Variants in ITPR1 observed in about 807,000 individuals in gnomAD.
ITPR1 encodes the protein inositol 1,4,5-trisphosphate receptor type 1.
ITPR1 carries 96 observed loss-of-function variants against 318.4 expected under a neutral mutation model. That is an observed-to-expected ratio of 0.30 (90% CI 0.26 to 0.36). The LOEUF is 0.36. Ranked by LOEUF, ITPR1 falls within the 10% of genes least tolerant of loss-of-function variation. The pLI is 1.00. For missense variants in ITPR1, 2,440 were observed against 3,460.2 expected (o/e 0.71, Z 7.40); for synonymous variants, 1,312 against 1,289.9 (o/e 1.02, Z -0.37).
intron 58 of ITPR1, 46 bp downstream of exon 58, chr3:4,814,608 G>GGGGT: frequency 8.6e-7 from 1 of 1,159,010 alleles, no homozygotes. Flanking sequence ...GGCGGGTGGG[G>GGGGT]TGGTTGGTGG....
intron 4 of ITPR1, among the ~76,000 whole-genome samples, chr3:4,554,032 C>T (rs188621232): frequency 7.2e-5 from 11 of 152,188 alleles, no homozygotes; most frequent in African/African-American, 1.2e-4. Flanking sequence ...TGTGAGCCAC[C>T]GCGCCCAGCC....
intron 4 of ITPR1, among the ~76,000 whole-genome samples, chr3:4,540,209 C>T (rs145570851): frequency 3.4e-3 from 513 of 152,040 alleles, no homozygotes; most frequent in Non-Finnish European, 5.4e-3. Context: ...TTATTACTTT[C>T]TGGTGAACTA....
chr3:4,708,303 C>T (rs564430473), intron 37 of ITPR1, among the ~76,000 whole-genome samples: 1 of 152,058 alleles, frequency 6.6e-6, no homozygotes, highest in Non-Finnish European at 1.5e-5. Context: ...AAGGGAGAGT[C>T]GTATTAGATG....
rs11294154 is a variant in ITPR1, at chr3:4,726,341, T to TAAA, written c.5173-771_5173-769dup. ...CTCTGCGCCCAGCCTATGATGCAGT[T>TAAA]AAAAAAAAAAAAAAAATCTATCCTC... On this transcript the variant is annotated intron_variant, in intron 41 of 61. Coordinates refer to ENST00000649015, the MANE Select transcript of ITPR1 (RefSeq NM_001378452.1). Among the ~76,000 whole-genome samples, 1,362 of 146,260 alleles carry TAAA rather than the reference T, an allele frequency of 9.3e-3. 25 individuals are homozygous for TAAA. The highest frequency in any genetic ancestry group is 0.036 in the East Asian group (176 of 4,952).
intron 2 of ITPR1, among the ~76,000 whole-genome samples, chr3:4,506,083 C>T (rs2081374685): frequency 2.0e-5 from 3 of 152,108 alleles, no homozygotes; most frequent in African/African-American, 7.2e-5. Context: ...AATTAATTGT[C>T]AACATAACTA....
At chr3:4,701,518 A>G (rs2094651769) in intron 35 of ITPR1, among the ~76,000 whole-genome samples, 1 of 152,098 alleles carries the variant, frequency 6.6e-6, no homozygotes, top group African/African-American at 2.4e-5. Context: ...ACAGCTTACT[A>G]TCTTGGGTGG....
intron 2 of ITPR1, among the ~76,000 whole-genome samples, chr3:4,507,156 G>A (rs1367800171): frequency 2.7e-5 from 4 of 148,424 alleles, no homozygotes; most frequent in African/African-American, 1.0e-4. Flanking sequence ...GAACATAGCC[G>A]GATTCACAGA....
chr3:4,552,279 G>A (rs562573623), intron 4 of ITPR1, among the ~76,000 whole-genome samples: 2 of 152,282 alleles, frequency 1.3e-5, no homozygotes, highest in Non-Finnish European at 2.9e-5. Context: ...AGATCCCACA[G>A]ATTGGAGGCT....
At chr3:4,786,010 C>G (rs964207630) in intron 51 of ITPR1, among the ~76,000 whole-genome samples, 1 of 152,196 alleles carries the variant, frequency 6.6e-6, no homozygotes, top group African/African-American at 2.4e-5. Context: ...GACCCAATGT[C>G]TTCACTCTGG....
At chr3:4,522,581 C>G (rs949776728) in intron 4 of ITPR1, among the ~76,000 whole-genome samples, 3 of 152,136 alleles carry the variant, frequency 2.0e-5, no homozygotes, top group Non-Finnish European at 2.9e-5. Context: ...GTAAGAGGAA[C>G]CCAAGGCGGC....
intron 4 of ITPR1, among the ~76,000 whole-genome samples, chr3:4,548,552 G>A (rs1323661796): frequency 6.6e-6 from 1 of 152,140 alleles, no homozygotes; most frequent in African/African-American, 2.4e-5. Flanking sequence ...CTTATGAAAT[G>A]TACAGGTAGT....
intron 44 of ITPR1, among the ~76,000 whole-genome samples, chr3:4,748,769 G>A (rs543330788): frequency 1.2e-3 from 183 of 152,312 alleles, no homozygotes; most frequent in African/African-American, 3.5e-3. Context: ...TTAAGAGAAC[G>A]CGGTGTTTTA....
intron 3 of ITPR1, among the ~76,000 whole-genome samples, chr3:4,518,700 G>A (rs2082337229): frequency 6.6e-6 from 1 of 152,154 alleles, no homozygotes; most frequent in African/African-American, 2.4e-5. Context: ...AACTCCAATA[G>A]GATCTTGGAG....
chr3:4,794,531 G>A (rs1202694885), intron 52 of ITPR1, among the ~76,000 whole-genome samples: 1 of 152,204 alleles, frequency 6.6e-6, no homozygotes, highest in Non-Finnish European at 1.5e-5. Flanking sequence ...TTAGGCACTG[G>A]CGTGTTAGTG....
intron 60 of ITPR1, among the ~76,000 whole-genome samples, chr3:4,825,488 A>G (rs1431859384): frequency 6.6e-6 from 1 of 152,196 alleles, no homozygotes; most frequent in African/African-American, 2.4e-5. Flanking sequence ...TTGCCTGACA[A>G]GCACCTCCTG....
intron 4 of ITPR1, among the ~76,000 whole-genome samples, chr3:4,617,357 C>T (rs894587830): frequency 6.6e-6 from 1 of 152,074 alleles, no homozygotes; most frequent in Non-Finnish European, 1.5e-5. Flanking sequence ...ATGGCCTGGT[C>T]TCTGCTCTCA....
At chr3:4,746,730 G>A (rs1433627363) in intron 44 of ITPR1, among the ~76,000 whole-genome samples, 2 of 152,236 alleles carry the variant, frequency 1.3e-5, no homozygotes, top group African/African-American at 2.4e-5. Flanking sequence ...TACTCCTACT[G>A]TATAAACTAT....
chr3:4,620,534 G>A (rs1559551729), intron 4 of ITPR1, among the ~76,000 whole-genome samples: 1 of 152,092 alleles, frequency 6.6e-6, no homozygotes. Flanking sequence ...ATGGTACCCT[G>A]TGCAGAAACA....
At chr3:4,675,338 C>T (rs1438328200) in intron 23 of ITPR1, 90 bp downstream of exon 23, 2 of 876,662 alleles carry the variant, frequency 2.3e-6, no homozygotes, top group African/African-American at 1.8e-5. Context: ...GATGCCACAT[C>T]CTTTCTTTGT....
Sources: allele counts gnomAD v4.1 joint callset (sites outside exome capture counted in the v4.1 genomes callset), GRCh38; gene constraint gnomAD v4.1.1; transcripts MANE v1.5; gene names NCBI Gene and HGNC (gene_info 2026-07-23, HGNC 2026-07-21).